AOPEP: variants seen among roughly 807,000 people sequenced by gnomAD.
AOPEP encodes aminopeptidase O (putative).
Under a neutral mutation model 98.1 loss-of-function variants are expected in AOPEP, and 77 were observed. That is an observed-to-expected ratio of 0.78 (90% CI 0.65 to 0.95). The LOEUF (loss-of-function observed/expected upper bound fraction) is 0.95. Ranked by LOEUF, AOPEP falls within the 40% of genes least tolerant of loss-of-function variation. The pLI, the probability that AOPEP is intolerant of heterozygous loss-of-function variation, is 0.00. For synonymous variants in AOPEP, 346 were observed against 365.3 expected, an observed-to-expected ratio of 0.95 and a Z score of 0.60; for missense variants, 1,024 against 1,024.7, an observed-to-expected ratio of 1.00 and a Z score of 0.01.
intron 5 of AOPEP, among the ~76,000 whole-genome samples, chr9:94,913,414 G>T (rs552365889): frequency 6.6e-6 from 1 of 152,168 alleles, no homozygotes; most frequent in South Asian, 2.1e-4. Flanking sequence ...TATTTTCCAG[G>T]ACCACCCTGG....
intron 11 of AOPEP, among the ~76,000 whole-genome samples, chr9:94,993,417 A>G (rs1024782961): frequency 4.6e-5 from 7 of 152,126 alleles, no homozygotes; most frequent in Non-Finnish European, 1.0e-4. Flanking sequence ...TCATTCAAGT[A>G]TTTGCTGCTT....
chr9:94,996,306 G>A (rs878979788), intron 11 of AOPEP, among the ~76,000 whole-genome samples: 38 of 150,936 alleles, frequency 2.5e-4, no homozygotes, highest in Admixed American at 1.5e-3. Context: ...TTTATATTTG[G>A]AACAGCCACT....
At chr9:94,832,586 T>C (rs1856229844) in intron 5 of AOPEP, among the ~76,000 whole-genome samples, 1 of 152,210 alleles carries the variant, frequency 6.6e-6, no homozygotes, top group South Asian at 2.1e-4. Flanking sequence ...ACAGTTGTTT[T>C]TTGGCATAGC....
chr9:95,099,430 A>ACGCCGCGTCCC, the AOPEP span: 2 of 222,080 alleles, frequency 9.0e-6, no homozygotes, highest in Non-Finnish European at 1.8e-5. Context: ...CCCCTCGGCC[A>ACGCCGCGTCCC]CGCCGCGTCC....
At chr9:94,791,142 T>C (rs1350679036) in intron 3 of AOPEP, among the ~76,000 whole-genome samples, 1 of 152,232 alleles carries the variant, frequency 6.6e-6, no homozygotes, top group East Asian at 1.9e-4. Context: ...ATATATACCA[T>C]AGAATACTAT....
intron 5 of AOPEP, among the ~76,000 whole-genome samples, chr9:94,802,681 G>A (rs1848443394): frequency 6.6e-6 from 1 of 152,196 alleles, no homozygotes; most frequent in African/African-American, 2.4e-5. Flanking sequence ...CAACAAGACT[G>A]CTTTTATGCT....
chr9:95,074,980 T>C (rs2068894460), intron 14 of AOPEP, among the ~76,000 whole-genome samples: 1 of 152,214 alleles, frequency 6.6e-6, no homozygotes, highest in Non-Finnish European at 1.5e-5. Flanking sequence ...TCCAGGACCC[T>C]GTGCTCACTG....
chr9:94,727,082 C>T (rs1483263808), intron 1 of AOPEP, among the ~76,000 whole-genome samples: 1 of 152,246 alleles, frequency 6.6e-6, no homozygotes, highest in African/African-American at 2.4e-5. Context: ...CCTCGGTCAC[C>T]TGCCGGTCTC....
intron 5 of AOPEP, among the ~76,000 whole-genome samples, chr9:94,852,729 TATTA>T (rs2043706607): frequency 6.6e-6 from 1 of 152,252 alleles, no homozygotes. Flanking sequence ...TTACGTATTT[TATTA>T]ATTAAAAATC....
intron 5 of AOPEP, among the ~76,000 whole-genome samples, chr9:94,862,467 T>C (rs1249562032): frequency 3.3e-5 from 5 of 152,178 alleles, no homozygotes; most frequent in Non-Finnish European, 1.5e-5. Flanking sequence ...GGGCTCTGTT[T>C]CCAGAGGCCA....
chr9:95,110,147 T>C, the AOPEP span: 5 of 660,376 alleles, frequency 7.6e-6, no homozygotes, highest in Non-Finnish European at 7.5e-6. Flanking sequence ...GAGGGAGAAC[T>C]ACGCAAGGGT....
At chr9:94,735,695 C>A (rs1831595030) in intron 1 of AOPEP, among the ~76,000 whole-genome samples, 1 of 152,196 alleles carries the variant, frequency 6.6e-6, no homozygotes, top group South Asian at 2.1e-4. Flanking sequence ...CCACAAAATT[C>A]ACTCTTTAAA....
chr9:94,842,538 G>A (rs2042393460), intron 5 of AOPEP, among the ~76,000 whole-genome samples: 1 of 152,090 alleles, frequency 6.6e-6, no homozygotes, highest in South Asian at 2.1e-4. Flanking sequence ...AATCTCATCA[G>A]ACAATCCTAT....
intron 5 of AOPEP, among the ~76,000 whole-genome samples, chr9:94,819,107 T>C (rs1209714149): frequency 5.3e-5 from 8 of 152,264 alleles, no homozygotes; most frequent in African/African-American, 1.7e-4. Flanking sequence ...TTTGCCTGGC[T>C]TCCAGCCCTC....
At chr9:94,743,614 G>A (rs1385802814) in intron 1 of AOPEP, among the ~76,000 whole-genome samples, 1 of 152,168 alleles carries the variant, frequency 6.6e-6, no homozygotes, top group Non-Finnish European at 1.5e-5. Context: ...GAAATCATGA[G>A]CAACTCAAAA....
chr9:94,760,128 C>T lies in AOPEP; in HGVS notation c.345C>T (p.Asn115=), dbSNP rs1837919913. The change falls in exon 2 of 17, where the codon AAC becomes AAT. Residue 115 remains asparagine (N), a synonymous_variant. Coordinates refer to ENST00000375315, the MANE Select transcript of AOPEP (RefSeq NM_001193329.3). The part of the protein sequence containing the change: ...GEKDTSDKDG[N]HDNQEHASGI... ...AAGATACTTCTGATAAAGATGGTAA[C>T]CATGACAACCAGGAACATGCTTCTG... is the stretch of plus-strand genomic sequence containing the variant. 2 of 1,614,024 alleles carry T rather than the reference C, an allele frequency of 1.2e-6. No individual in the cohort carries two copies. The highest frequency in any genetic ancestry group is 1.7e-6 in the Non-Finnish European group (2 of 1,180,026).
chr9:94,903,347 T>G (rs963351128), intron 5 of AOPEP, among the ~76,000 whole-genome samples: 10 of 152,128 alleles, frequency 6.6e-5, no homozygotes, highest in African/African-American at 2.4e-4. Flanking sequence ...CTTGTTTGCT[T>G]CTGTTTCAAA....
chr9:95,136,313 C>T, the AOPEP span, among the ~76,000 whole-genome samples: 2 of 151,940 alleles, frequency 1.3e-5, no homozygotes, highest in South Asian at 4.2e-4. Context: ...GCAGGAGGAT[C>T]GCTAGAGCCC....
chr9:94,927,495 G>C (rs551517529), intron 6 of AOPEP, among the ~76,000 whole-genome samples: 10 of 152,196 alleles, frequency 6.6e-5, no homozygotes, highest in African/African-American at 2.4e-4. Flanking sequence ...TTCCTGGCCC[G>C]ACGTGCCTTG....
Sources: allele counts gnomAD v4.1 joint callset (sites outside exome capture counted in the v4.1 genomes callset), GRCh38; gene constraint gnomAD v4.1.1; transcripts MANE v1.5; gene names NCBI Gene and HGNC (gene_info 2026-07-23, HGNC 2026-07-21).